Variants in NOS1AP observed in about 807,000 individuals in gnomAD.
NOS1AP encodes the protein carboxyl-terminal PDZ ligand of neuronal nitric oxide synthase protein.
A neutral mutation model predicts 56.2 loss-of-function variants in NOS1AP; 21 were observed. The observed-to-expected ratio is 0.37, with a 90% CI of 0.26 to 0.54. The LOEUF is 0.54. Among genes scored for constraint, NOS1AP ranks in the 20% least tolerant of loss-of-function variants. The pLI is 0.84. For synonymous variants in NOS1AP, 270 were observed against 274.6 expected (o/e 0.98, Z 0.17); for missense variants, 522 against 657.8 (o/e 0.79, Z 2.26).
chr1:162,075,330 G>A (rs16849577), intron 1 of NOS1AP, among the ~76,000 whole-genome samples: 3,071 of 152,320 alleles, frequency 0.02, 114 homozygotes, highest in African/African-American at 0.069. Context: ...TTGGGAGCAT[G>A]TGGTCAGATT....
intron 4 of NOS1AP, among the ~76,000 whole-genome samples, chr1:162,322,792 C>T (rs1656463852): frequency 6.6e-6 from 1 of 152,078 alleles, no homozygotes; most frequent in African/African-American, 2.4e-5. Flanking sequence ...TAAAAAAATC[C>T]AGGCTTTCCA....
At chr1:162,289,805 A>G (rs1169193019) in intron 3 of NOS1AP, among the ~76,000 whole-genome samples, 1 of 152,110 alleles carries the variant, frequency 6.6e-6, no homozygotes, top group Non-Finnish European at 1.5e-5. Flanking sequence ...AAATGTAAAC[A>G]CCTACTGTCC....
At chr1:162,276,474 A>G (rs1487501154) in intron 2 of NOS1AP, among the ~76,000 whole-genome samples, 1 of 151,254 alleles carries the variant, frequency 6.6e-6, no homozygotes, top group Non-Finnish European at 1.5e-5. Context: ...ACCTCACTCT[A>G]CTTTAGTGGA....
At position 162,148,934 on chromosome 1, in the gene NOS1AP, G is replaced by A. The variant is rs147977451; in HGVS notation, c.106-5471G>A. On this transcript the variant is annotated intron_variant, in intron 1 of 9. Transcript: ENST00000361897. ...CACTGATTAGCTGTGACGGGTAAGG[G>A]AGAAGCACGTTCGGGGATGACTCAA... 5.1e-3 allele frequency among the ~76,000 whole-genome samples: 771 copies of A among 152,288 alleles called. 4 individuals are homozygous for A. The highest frequency in any genetic ancestry group is 0.017 in the African/African-American group (723 of 41,564).
intron 4 of NOS1AP, among the ~76,000 whole-genome samples, chr1:162,325,795 T>C (rs1467031842): frequency 6.6e-6 from 1 of 152,094 alleles, no homozygotes; most frequent in Non-Finnish European, 1.5e-5. Flanking sequence ...CTTTATCAGC[T>C]GGTTTCATTT....
intron 2 of NOS1AP, among the ~76,000 whole-genome samples, chr1:162,273,657 G>A (rs1654653868): frequency 6.6e-6 from 1 of 152,058 alleles, no homozygotes; most frequent in South Asian, 2.1e-4. Context: ...CCAGCCCAAA[G>A]GACTTTAATT....
rs940871834 is a variant in NOS1AP at position 162,370,120 on chromosome 1, C to G, written c.*2653C>G. ...AGCAGACTCTCGTGCACAGGAGGCTCCCACAGTTATGGAGCCAGGAAAGAA... is the reference window on the plus strand; with the variant it reads ...AGCAGACTCTCGTGCACAGGAGGCTGCCACAGTTATGGAGCCAGGAAAGAA... On this transcript the variant is annotated 3_prime_UTR_variant, in exon 10 of 10. Transcript: ENST00000361897. 1.3e-5 allele frequency: 2 copies of G among 152,192 alleles called. No individual in the cohort carries two copies. Among genetic ancestry groups the G allele is most frequent in the Non-Finnish European group, 2.9e-5 (2 of 68,066 alleles). The allele number at this position is 152,192 out of a possible 1,614,324, so 9.4% of individuals were successfully genotyped here. A position where few individuals can be genotyped will look rare whatever the true frequency, so the allele number is the denominator to read the frequency against.
In NOS1AP at chr1:162,105,241, C is replaced by T. The variant is rs1172424755; in HGVS notation, c.105+34959C>T. Among the ~76,000 whole-genome samples the T allele has an allele frequency of 3.3e-5, 5 of 152,228 alleles. No individual in the cohort carries two copies. The South Asian group carries it at 8.3e-4, about 25-fold the overall frequency. ...TACCCAGAGGTATCACCAGTGAAGG[C>T]TGTGAAACAGCAAAGATGGCAGGCT... On this transcript the variant is annotated intron_variant, in intron 1 of 9. Coordinates refer to ENST00000361897, the MANE Select transcript of NOS1AP (RefSeq NM_014697.3).
rs77473623 is a variant in NOS1AP at position 162,357,061 on chromosome 1, C to T, written c.864C>T (p.Ser288=). 7.2e-3 allele frequency: 11,665 copies of T among 1,613,226 alleles called. 49 individuals carry two copies. The highest frequency in any genetic ancestry group is 8.9e-3 in the Non-Finnish European group (10,484 of 1,180,022). The change falls in exon 8 of 10, where the codon TCC becomes TCT. Residue 288 remains serine (S), a synonymous_variant. Coordinates refer to ENST00000361897, the MANE Select transcript of NOS1AP (RefSeq NM_014697.3). ...GCCTGGGCACAGAGACACCGCTGTC[C>T]ACTCACCACCAGATGCAGCTCCTCC... ...PPGLGTETPL[S]THHQMQLLQQ...
intron 1 of NOS1AP, among the ~76,000 whole-genome samples, chr1:162,150,888 T>G (rs930359500): frequency 6.6e-6 from 1 of 152,332 alleles, no homozygotes; most frequent in South Asian, 2.1e-4. Context: ...AGTTTGCAGA[T>G]TTTTTCTCCC....
intron 1 of NOS1AP, among the ~76,000 whole-genome samples, chr1:162,152,892 A>T (rs1043017794): frequency 6.6e-6 from 1 of 152,038 alleles, no homozygotes; most frequent in Admixed American, 6.5e-5. Context: ...TCTTAATGGA[A>T]TCTTTGCTTG....
At chr1:162,353,019 T>C (rs1008800083) in intron 6 of NOS1AP, among the ~76,000 whole-genome samples, 7 of 152,198 alleles carry the variant, frequency 4.6e-5, no homozygotes, top group African/African-American at 1.7e-4. Context: ...TTAAGACTCA[T>C]CCTGCACATA....
intron 1 of NOS1AP, among the ~76,000 whole-genome samples, chr1:162,109,233 A>C (rs1046797006): frequency 1.3e-5 from 2 of 152,236 alleles, no homozygotes; most frequent in African/African-American, 4.8e-5. Flanking sequence ...AAACCATATC[A>C]ATTAACCAGT....
At chr1:162,348,067 G>A (rs1657359680) in intron 6 of NOS1AP, among the ~76,000 whole-genome samples, 1 of 152,188 alleles carries the variant, frequency 6.6e-6, no homozygotes, top group Non-Finnish European at 1.5e-5. Flanking sequence ...ATATAGCATA[G>A]CGTCCTCTGT....
At chr1:162,306,066 C>A (rs958184611) in intron 4 of NOS1AP, among the ~76,000 whole-genome samples, 1 of 152,144 alleles carries the variant, frequency 6.6e-6, no homozygotes, top group Non-Finnish European at 1.5e-5. Context: ...TGGACCTGTA[C>A]AATTTCAGTA....
chr1:162,355,444 G>A, intron 7 of NOS1AP, 91 bp downstream of exon 7: 1 of 1,507,242 alleles, frequency 6.6e-7, no homozygotes, highest in Non-Finnish European at 9.2e-7. Context: ...CAGCTTCCGA[G>A]TGAGGCACTC....
intron 2 of NOS1AP, among the ~76,000 whole-genome samples, chr1:162,278,261 G>A (rs1195399577): frequency 6.6e-6 from 1 of 152,152 alleles, no homozygotes; most frequent in Non-Finnish European, 1.5e-5. Context: ...GTTTAGAGCT[G>A]GGAAGGTGTA....
chr1:162,134,718 T>C (rs1648912613), intron 1 of NOS1AP, among the ~76,000 whole-genome samples: 1 of 152,142 alleles, frequency 6.6e-6, no homozygotes, highest in South Asian at 2.1e-4. Flanking sequence ...ATTCTTTTGC[T>C]CTGTTTTAGG....
chr1:162,366,711 A>G (rs1445789557), intron 9 of NOS1AP, among the ~76,000 whole-genome samples: 1 of 152,178 alleles, frequency 6.6e-6, no homozygotes, highest in Non-Finnish European at 1.5e-5. Flanking sequence ...ACATGATTGT[A>G]CTAAAGGTTA....
Sources: gnomAD v4.1 joint callset for allele counts (sites outside exome capture counted in the v4.1 genomes callset) on GRCh38, gnomAD v4.1.1 for gene constraint, MANE v1.5 for transcripts, NCBI Gene and HGNC (gene_info 2026-07-23, HGNC 2026-07-21) for gene names.